Variants in DISP1 observed in about 807,000 individuals in gnomAD.
The protein encoded by DISP1 is dispatched RND transporter family member 1.
Under a neutral mutation model 37.3 loss-of-function variants are expected in DISP1, and 30 were observed. The ratio of observed to expected loss-of-function variants is 0.80; its 90% confidence interval spans 0.60 to 1.09. DISP1 has a LOEUF of 1.09. Among genes scored for constraint, DISP1 ranks in the 50% least tolerant of loss-of-function variants. DISP1 has a pLI of 0.00. For synonymous variants in DISP1, 634 were observed against 690.2 expected, an observed-to-expected ratio of 0.92 and a Z score of 1.28; for missense variants, 1,598 against 1,879.5, an observed-to-expected ratio of 0.85 and a Z score of 2.77.
rs1464201056 is a variant in DISP1, at chr1:223,005,120, AAGCACTGAAAGTG to A, written c.3725_3737del (p.Ser1242ThrfsTer22). On this transcript the variant is annotated frameshift_variant, in exon 9 of 9. Transcript: ENST00000675850. LOFTEE classifies it low-confidence loss of function (END_TRUNC). ...CAGCTTACAACAGTGAACTCAGCAA[AAGCACTGAAAGTG>A]ACGCTGGCTCTGCCTTGTTACAGCC... is the stretch of plus-strand genomic sequence containing the variant. The A allele has an allele frequency of 5.0e-6, 8 of 1,614,014 alleles. No individual in the cohort carries two copies. The highest frequency in any genetic ancestry group is 6.8e-6 in the Non-Finnish European group (8 of 1,180,016).
At chr1:222,992,767 G>A (rs180829926) in intron 7 of DISP1, among the ~76,000 whole-genome samples, 6 of 151,874 alleles carry the variant, frequency 4.0e-5, no homozygotes, top group African/African-American at 7.3e-5. Flanking sequence ...CTGCCCTGTC[G>A]AAAGAAATCG....
At chr1:222,826,292 T>C (rs1664370057) in intron 1 of DISP1, among the ~76,000 whole-genome samples, 1 of 149,358 alleles carries the variant, frequency 6.7e-6, no homozygotes, top group Admixed American at 6.6e-5. Context: ...AATATTCCAT[T>C]AGTCCTTTAA....
intron 2 of DISP1, among the ~76,000 whole-genome samples, chr1:222,937,764 C>A (rs955698388): frequency 2.8e-5 from 4 of 140,352 alleles, no homozygotes; most frequent in Non-Finnish European, 6.0e-5. Flanking sequence ...GGGCACATCA[C>A]ATCTCAAGCC....
chr1:223,004,972 A>G lies in DISP1; in HGVS notation c.3575A>G (p.Tyr1192Cys). 6.2e-7 allele frequency: 1 copy of G among 1,613,998 alleles called. No homozygotes were observed. The highest frequency in any genetic ancestry group is 1.1e-5 in the South Asian group (1 of 91,086). The change falls in exon 9 of 9, where the codon TAT becomes TGT. Residue 1192 changes from tyrosine to cysteine, a missense_variant. Tyr to Cys is a radical substitution (Grantham distance 194, BLOSUM62 -2). Coordinates refer to ENST00000675850, the MANE Select transcript of DISP1 (RefSeq NM_001377229.1). This position sits in a 1 kb window ranked among gnomAD's most constrained non-coding sequence, Gnocchi z 4.9. ...GPKSELEHEFYELEPLASHSC... is the reference protein window; with the variant it reads ...GPKSELEHEFCELEPLASHSC... ...AAATCTGAACTGGAGCATGAGTTTTATGAATTAGAACCTCTGGCTTCCCAC... is the reference window on the plus strand; with the variant it reads ...AAATCTGAACTGGAGCATGAGTTTTGTGAATTAGAACCTCTGGCTTCCCAC...
At chr1:222,904,914 A>G (rs1445665151) in intron 1 of DISP1, among the ~76,000 whole-genome samples, 2 of 152,138 alleles carry the variant, frequency 1.3e-5, no homozygotes, top group Non-Finnish European at 2.9e-5. Context: ...TTTTTGGAAT[A>G]TTTTTACTTT....
At chr1:222,912,036 C>T (rs1197643785) in intron 1 of DISP1, among the ~76,000 whole-genome samples, 1 of 152,196 alleles carries the variant, frequency 6.6e-6, no homozygotes, top group Non-Finnish European at 1.5e-5. Flanking sequence ...GCAGCCAGCA[C>T]TCATGTGATC....
chr1:222,934,182 A>G (rs1673575288), intron 2 of DISP1, among the ~76,000 whole-genome samples: 1 of 152,164 alleles, frequency 6.6e-6, no homozygotes, highest in East Asian at 1.9e-4. Context: ...ATTGCTCTAG[A>G]GGCATCTTGA....
intron 7 of DISP1, among the ~76,000 whole-genome samples, chr1:222,993,156 G>A (rs982026602): frequency 2.6e-5 from 4 of 152,134 alleles, no homozygotes; most frequent in Admixed American, 6.5e-5. Flanking sequence ...ATGAGCCACC[G>A]CACCTGGCCA....
At chr1:222,952,712 TGG>T (rs1675310634) in intron 3 of DISP1, among the ~76,000 whole-genome samples, 1 of 152,114 alleles carries the variant, frequency 6.6e-6, no homozygotes. Flanking sequence ...TAGCTGGGTG[TGG>T]TGGCACGCAC....
At position 222,874,447 on chromosome 1, in the gene DISP1, A is replaced by G. The variant is rs138519753; in HGVS notation, c.-158-53983A>G. On this transcript the variant is annotated intron_variant, in intron 1 of 8. Coordinates refer to ENST00000675850, the MANE Select transcript of DISP1 (RefSeq NM_001377229.1). ...CCCATATTTCTTGGAGGCTTTGTTCATTTCTTTTTATTCTTTATTCTTTTT... is the reference window on the plus strand; with the variant it reads ...CCCATATTTCTTGGAGGCTTTGTTCGTTTCTTTTTATTCTTTATTCTTTTT... 2.4e-3 allele frequency among the ~76,000 whole-genome samples: 361 copies of G among 152,012 alleles called. 2 individuals carry two copies. Among genetic ancestry groups the G allele is most frequent in the Non-Finnish European group, 2.8e-3 (190 of 67,978 alleles).
At chr1:222,869,606 A>G (rs1304673200) in intron 1 of DISP1, among the ~76,000 whole-genome samples, 1 of 152,192 alleles carries the variant, frequency 6.6e-6, no homozygotes, top group South Asian at 2.1e-4. Context: ...AATCATGAGC[A>G]TCTGATCTAA....
At chr1:222,995,893 G>A (rs1299247180) in intron 8 of DISP1, among the ~76,000 whole-genome samples, 1 of 152,130 alleles carries the variant, frequency 6.6e-6, no homozygotes, top group Non-Finnish European at 1.5e-5. Flanking sequence ...TAATGAAATA[G>A]GCAGTAGAAA....
chr1:222,983,909 G>A (rs1364741584), intron 4 of DISP1, among the ~76,000 whole-genome samples: 2 of 152,092 alleles, frequency 1.3e-5, no homozygotes, highest in Non-Finnish European at 2.9e-5. Flanking sequence ...CTTACACATT[G>A]TAATTCCAGA....
rs190700419 is a variant in DISP1, at chr1:222,905,708, G to A, written c.-158-22722G>A. 2.3e-3 allele frequency among the ~76,000 whole-genome samples: 357 copies of A among 152,072 alleles called. 1 individual carries two copies. The highest frequency in any genetic ancestry group is 3.2e-3 in the Non-Finnish European group (216 of 67,964). ...AAAATTATAAAATTGACTTAATTGG[G>A]TCTATCTGAAAGCTTCCTTTATCAT... On this transcript the variant is annotated intron_variant, in intron 1 of 8. Transcript: ENST00000675850.
chr1:222,939,689 GTGTGGTGGCACACACC>G (rs1051440446), intron 2 of DISP1, among the ~76,000 whole-genome samples: 3 of 151,914 alleles, frequency 2.0e-5, no homozygotes, highest in Non-Finnish European at 4.4e-5. Flanking sequence ...AATTAGCTGG[GTGTGGTGGCACACACC>G]TGTGATCCCT....
chr1:222,878,702 A>G (rs926439578), intron 1 of DISP1, among the ~76,000 whole-genome samples: 4 of 152,178 alleles, frequency 2.6e-5, no homozygotes, highest in Non-Finnish European at 4.4e-5. Context: ...AATAACAATC[A>G]ACTACAACAC....
At chr1:222,970,154 G>A (rs1439033406) in intron 3 of DISP1, among the ~76,000 whole-genome samples, 1 of 152,126 alleles carries the variant, frequency 6.6e-6, no homozygotes, top group Non-Finnish European at 1.5e-5. Context: ...TAAACTAGAC[G>A]ATTCCTGAGC....
intron 1 of DISP1, among the ~76,000 whole-genome samples, chr1:222,828,691 G>A (rs988665655): frequency 1.3e-5 from 2 of 152,056 alleles, no homozygotes; most frequent in Non-Finnish European, 2.9e-5. Context: ...CTCCCCATCA[G>A]GTTCATTCCA....
chr1:222,851,735 A>G (rs1247144159), intron 1 of DISP1, among the ~76,000 whole-genome samples: 1 of 151,314 alleles, frequency 6.6e-6, no homozygotes, highest in Non-Finnish European at 1.5e-5. Context: ...TCAAATATTC[A>G]TAACAAATGG....
Sources: allele counts gnomAD v4.1 joint callset (sites outside exome capture counted in the v4.1 genomes callset), GRCh38; gene constraint gnomAD v4.1.1; non-coding constraint Gnocchi (gnomAD v3.1); transcripts MANE v1.5; gene names NCBI Gene and HGNC (gene_info 2026-07-23, HGNC 2026-07-21).